The following SPAG16 variants were observed in gnomAD, a reference collection of about 807,000 sequenced individuals.
SPAG16 encodes the protein sperm-associated antigen 16 protein.
A neutral mutation model predicts 80.4 loss-of-function variants in SPAG16; 86 were observed. The ratio of observed to expected loss-of-function variants is 1.07; its 90% CI spans 0.90 to 1.28. The LOEUF is 1.28. SPAG16 is among the 50% of genes most tolerant of loss of function. The pLI is 0.00. For synonymous variants in SPAG16, 294 were observed against 265.9 expected, an observed-to-expected ratio of 1.11 and a Z score of -1.03; for missense variants, 870 against 765.3, an observed-to-expected ratio of 1.14 and a Z score of -1.61.
At chr2:213,668,136 A>G (rs180685300) in intron 10 of SPAG16, among the ~76,000 whole-genome samples, 7,416 of 151,866 alleles carry the variant, frequency 0.049, 600 homozygotes, top group African/African-American at 0.17. Context: ...AAACGGTTTC[A>G]CCATGTTGGC....
chr2:213,401,971 C>T (rs1265495392), intron 9 of SPAG16, among the ~76,000 whole-genome samples: 1 of 151,828 alleles, frequency 6.6e-6, no homozygotes, highest in African/African-American at 2.4e-5. Flanking sequence ...GATCAAAACA[C>T]TTCCTATTTA....
intron 10 of SPAG16, among the ~76,000 whole-genome samples, chr2:213,811,990 ATCT>A (rs1223105231): frequency 6.6e-6 from 1 of 152,114 alleles, no homozygotes; most frequent in Non-Finnish European, 1.5e-5. Flanking sequence ...GGGGTAGGAA[ATCT>A]TCAACAAGAG....
At chr2:214,191,437 G>C (rs941063744) in intron 15 of SPAG16, among the ~76,000 whole-genome samples, 1 of 152,038 alleles carries the variant, frequency 6.6e-6, no homozygotes, top group Non-Finnish European at 1.5e-5. Context: ...CCAGGGCCGG[G>C]CATGGTGGCT....
intron 10 of SPAG16, among the ~76,000 whole-genome samples, chr2:213,718,416 A>C (rs1484026381): frequency 6.6e-6 from 1 of 151,960 alleles, no homozygotes; most frequent in African/African-American, 2.4e-5. Flanking sequence ...CAGTCCCCCC[A>C]CTGCACTGTG....
intron 1 of SPAG16, among the ~76,000 whole-genome samples, chr2:213,288,457 A>G (rs1575078888): frequency 6.8e-6 from 1 of 147,796 alleles, no homozygotes; most frequent in Non-Finnish European, 1.5e-5. Flanking sequence ...GGCATCTGCC[A>G]CCACACCTGG....
At chr2:213,993,041 AAC>A (rs1339503596) in intron 12 of SPAG16, among the ~76,000 whole-genome samples, 3 of 152,192 alleles carry the variant, frequency 2.0e-5, no homozygotes, top group African/African-American at 7.2e-5. Flanking sequence ...GACAGGCACA[AAC>A]ACAAGTGGAT....
At chr2:213,903,829 T>G (rs556808783) in intron 11 of SPAG16, among the ~76,000 whole-genome samples, 3 of 152,224 alleles carry the variant, frequency 2.0e-5, no homozygotes, top group Non-Finnish European at 4.4e-5. Flanking sequence ...GCTGAATGTT[T>G]CGCTGCTTAG....
At chr2:213,464,898 G>A (rs1407241607) in intron 9 of SPAG16, among the ~76,000 whole-genome samples, 1 of 152,154 alleles carries the variant, frequency 6.6e-6, no homozygotes, top group Non-Finnish European at 1.5e-5. Context: ...GTATATCCTT[G>A]AGAGGAGGCC....
chr2:213,285,682 A>G (rs186008221), intron 1 of SPAG16, among the ~76,000 whole-genome samples: 1 of 152,354 alleles, frequency 6.6e-6, no homozygotes, highest in African/African-American at 2.4e-5. Flanking sequence ...TAGCTGAAAG[A>G]TTAAAGAAAA....
chr2:213,930,145 G>C lies in SPAG16; in HGVS notation c.1400G>C (p.Ser467Thr). 1 of 1,611,974 alleles carries C rather than the reference G, an allele frequency of 6.2e-7. No individual in the cohort carries two copies. Among genetic ancestry groups the C allele is most frequent in the Non-Finnish European group, 8.5e-7 (1 of 1,178,776 alleles). Residue 467 changes from serine to threonine, a missense_variant and splice_region_variant, in exon 12 of 16, where the codon AGT (serine) becomes ACT (threonine). Transcript: ENST00000331683. ...DKTSKIWDVNSERCRCTLYGH... is the reference protein window; with the variant it reads ...DKTSKIWDVNTERCRCTLYGH... Reference sequence around the variant, plus strand: ...ACTAGCAAAATTTGGGATGTTAATAGGTAAGAAGTACTTTAAACATTACTA... The same window carrying C: ...ACTAGCAAAATTTGGGATGTTAATACGTAAGAAGTACTTTAAACATTACTA...
rs111647751 is a variant in SPAG16 at position 213,873,986 on chromosome 2, G to C, written c.1214+11358G>C. Among the ~76,000 whole-genome samples, 129 of 152,140 alleles carry C rather than the reference G, an allele frequency of 8.5e-4. 2 individuals carry two copies. Among genetic ancestry groups the C allele is most frequent in the African/African-American group, 3.0e-3 (124 of 41,524 alleles). ...TATATAACAAACTTATATAGTTACT[G>C]TACTGAATACCATATACAATTGTAA... On this transcript the variant is annotated intron_variant, in intron 11 of 15. Transcript: ENST00000331683.
intron 10 of SPAG16, among the ~76,000 whole-genome samples, chr2:213,555,227 G>C (rs1319661805): frequency 6.6e-6 from 1 of 152,120 alleles, no homozygotes; most frequent in African/African-American, 2.4e-5. Flanking sequence ...CCAAAAATAA[G>C]TTTTATCCAG....
intron 15 of SPAG16, among the ~76,000 whole-genome samples, chr2:214,385,790 G>C (rs1318527949): frequency 6.6e-6 from 1 of 152,170 alleles, no homozygotes; most frequent in African/African-American, 2.4e-5. Context: ...GTTGCAGTGA[G>C]CTGAGATTGC....
intron 15 of SPAG16, among the ~76,000 whole-genome samples, chr2:214,387,136 TCTC>T (rs1284360643): frequency 2.0e-5 from 3 of 152,170 alleles, no homozygotes; most frequent in Non-Finnish European, 2.9e-5. Context: ...TCAAAGGTCA[TCTC>T]CTCTGTGAAG....
chr2:214,281,883 TGA>T (rs1292209919), intron 15 of SPAG16, among the ~76,000 whole-genome samples: 1 of 152,198 alleles, frequency 6.6e-6, no homozygotes, highest in Non-Finnish European at 1.5e-5. Flanking sequence ...ATAATGATAC[TGA>T]GTTTTAAAAG....
intron 5 of SPAG16, among the ~76,000 whole-genome samples, chr2:213,331,477 C>T (rs368443638): frequency 2.0e-4 from 31 of 152,264 alleles, no homozygotes; most frequent in East Asian, 1.7e-3. Flanking sequence ...AGGGAGAGAT[C>T]GCAATACAGT....
At chr2:213,771,303 T>G (rs911722590) in intron 10 of SPAG16, among the ~76,000 whole-genome samples, 8 of 151,488 alleles carry the variant, frequency 5.3e-5, no homozygotes, top group African/African-American at 1.9e-4. Flanking sequence ...CTTTTTAATG[T>G]TTTTTTCCTT....
Position 213,296,055 on chromosome 2 carries a change from G to C in SPAG16, c.137-9G>C, listed in dbSNP as rs2062484158. 2 of 1,607,034 alleles carry C rather than the reference G, an allele frequency of 1.2e-6. No homozygotes were observed. Among genetic ancestry groups the C allele is most frequent in the African/African-American group, 1.3e-5 (1 of 74,786 alleles). ...ATTTTTTGAGATTAAAACTTGACAA[G>C]ATATTCAGAGGTCACCATAACTGAA... is the stretch of plus-strand genomic sequence containing the variant. On this transcript the variant is annotated splice_polypyrimidine_tract_variant and intron_variant, in intron 1 of 15. Coordinates refer to ENST00000331683, the MANE Select transcript of SPAG16 (RefSeq NM_024532.5).
intron 6 of SPAG16, among the ~76,000 whole-genome samples, chr2:213,343,243 T>C (rs572332931): frequency 6.6e-6 from 1 of 152,204 alleles, no homozygotes; most frequent in East Asian, 1.9e-4. Context: ...CTGAATACTC[T>C]GAGCATTTAC....
Sources: gnomAD v4.1 joint callset for allele counts (sites outside exome capture counted in the v4.1 genomes callset) on GRCh38, gnomAD v4.1.1 for gene constraint, MANE v1.5 for transcripts, NCBI Gene and HGNC (gene_info 2026-07-23, HGNC 2026-07-21) for gene names.